The following GLIS3 variants were observed in gnomAD, a reference collection of about 807,000 sequenced individuals.
GLIS3 encodes GLIS family zinc finger 3, also known as zinc finger protein GLIS3.
In GLIS3, 53 loss-of-function variants were observed where a neutral mutation model predicts 78.6. The ratio of observed to expected loss-of-function variants is 0.67; its 90% CI spans 0.54 to 0.85. The LOEUF is 0.85. Among genes scored for constraint, GLIS3 ranks in the 40% least tolerant of loss-of-function variants. The pLI, the probability that GLIS3 is intolerant of heterozygous loss-of-function variation, is 0.00. For missense variants in GLIS3, 1,703 were observed against 1,231.1 expected (o/e 1.38, Z -5.74); for synonymous variants, 684 against 509.9 (o/e 1.34, Z -4.60).
chr9:4,369,291 C>G, the GLIS3 span, among the ~76,000 whole-genome samples: 2 of 152,114 alleles, frequency 1.3e-5, no homozygotes, highest in Non-Finnish European at 1.5e-5. Flanking sequence ...TAACCTAATT[C>G]TTTTCTGGAT....
At chr9:4,340,421 A>C (rs1817818165) in intron 2 of GLIS3, among the ~76,000 whole-genome samples, 2 of 152,198 alleles carry the variant, frequency 1.3e-5, no homozygotes, top group Admixed American at 1.3e-4. Flanking sequence ...ACTCAATTCC[A>C]GGATGAAACA....
At chr9:4,477,429 T>C in the GLIS3 span, among the ~76,000 whole-genome samples, 3 of 152,052 alleles carry the variant, frequency 2.0e-5, no homozygotes, top group Non-Finnish European at 2.9e-5. Context: ...TGGGTTTTTT[T>C]TTGAGATAGG....
the GLIS3 span, among the ~76,000 whole-genome samples, chr9:4,375,497 A>T: frequency 6.6e-6 from 1 of 152,200 alleles, no homozygotes; most frequent in African/African-American, 2.4e-5. Context: ...AATCTTTCTG[A>T]AGATGTTTTC....
chr9:4,315,504 A>G lies in GLIS3; in HGVS notation n.265-4976T>C, dbSNP rs1817423225. On this transcript the variant is annotated intron_variant and non_coding_transcript_variant, in intron 2 of 4. Coordinates refer to the GLIS3 transcript ENST00000471664. ...TGAACCTCTATTTTTTAAAGCCTTTAAATTGATTCAAACCCTTCTAAAACA... is the reference window on the plus strand; with the variant it reads ...TGAACCTCTATTTTTTAAAGCCTTTGAATTGATTCAAACCCTTCTAAAACA... 2.0e-5 allele frequency among the ~76,000 whole-genome samples: 3 copies of G among 152,156 alleles called. No homozygotes were observed. The South Asian group carries it at 6.2e-4, about 32-fold the overall frequency.
intron 4 of GLIS3, among the ~76,000 whole-genome samples, chr9:4,083,773 A>C (rs1828756576): frequency 6.6e-6 from 1 of 152,218 alleles, no homozygotes; most frequent in South Asian, 2.1e-4. Flanking sequence ...GAGAGCTATA[A>C]AAATTACCCT....
chr9:3,876,585 G>A (rs1458584746), intron 8 of GLIS3, among the ~76,000 whole-genome samples: 2 of 138,016 alleles, frequency 1.4e-5, no homozygotes, highest in Admixed American at 7.6e-5. Flanking sequence ...GCAACCATCT[G>A]TCAAATGGTT....
chr9:4,026,668 C>A (rs1021033220), intron 4 of GLIS3, among the ~76,000 whole-genome samples: 20 of 152,274 alleles, frequency 1.3e-4, no homozygotes, highest in Non-Finnish European at 2.8e-4. Flanking sequence ...CTAAACCTAA[C>A]TAGTAGATAT....
At chr9:4,124,935 A>G (rs1436492456) in intron 3 of GLIS3, among the ~76,000 whole-genome samples, 1 of 152,226 alleles carries the variant, frequency 6.6e-6, no homozygotes, top group East Asian at 1.9e-4. Flanking sequence ...AATTTATTTC[A>G]AACATAGACA....
chr9:4,117,107 G>C (rs1469974609), intron 4 of GLIS3, among the ~76,000 whole-genome samples: 3 of 152,094 alleles, frequency 2.0e-5, no homozygotes, highest in Non-Finnish European at 4.4e-5. Context: ...AGCACCAAAG[G>C]CTTCCCTGCT....
At chr9:4,029,020 T>C (rs1026051566) in intron 4 of GLIS3, among the ~76,000 whole-genome samples, 2 of 152,076 alleles carry the variant, frequency 1.3e-5, no homozygotes, top group East Asian at 1.9e-4. Flanking sequence ...TACTCCAAGA[T>C]GATGATGAAG....
At chr9:4,189,817 C>T (rs1314071171) in intron 2 of GLIS3, among the ~76,000 whole-genome samples, 1 of 151,444 alleles carries the variant, frequency 6.6e-6, no homozygotes, top group Non-Finnish European at 1.5e-5. Flanking sequence ...GGATTGCAAC[C>T]CCTGCCTTTT....
upstream of GLIS3, among the ~76,000 whole-genome samples, chr9:4,350,536 T>A (rs1341947752): frequency 2.0e-5 from 3 of 152,240 alleles, no homozygotes; most frequent in African/African-American, 7.2e-5. Context: ...CTGAAATTTT[T>A]AAAAATATTT....
At chr9:4,083,868 G>A (rs952249125) in intron 4 of GLIS3, among the ~76,000 whole-genome samples, 2 of 152,120 alleles carry the variant, frequency 1.3e-5, no homozygotes, top group Non-Finnish European at 2.9e-5. Flanking sequence ...ATAATTTCTG[G>A]TTTCACTTGC....
chr9:4,287,841 C>G (rs1828132894), intron 1 of GLIS3, among the ~76,000 whole-genome samples: 1 of 152,210 alleles, frequency 6.6e-6, no homozygotes, highest in Admixed American at 6.5e-5. Flanking sequence ...ACTCACTATG[C>G]CTTCTGCAAA....
the GLIS3 span, among the ~76,000 whole-genome samples, chr9:4,369,209 C>T: frequency 1.3e-5 from 2 of 152,062 alleles, no homozygotes; most frequent in African/African-American, 2.4e-5. Flanking sequence ...ATGGATTACT[C>T]AGCCACCATT....
At position 4,123,607 on chromosome 9, in the gene GLIS3, T is replaced by A. The variant is rs985362895; in HGVS notation, c.596+2127A>T. The A allele has an allele frequency of 7.9e-5, 29 of 367,180 alleles. No individual in the cohort carries two copies. In the Admixed American group the frequency reaches 1.3e-3, roughly 16 times the overall value. The allele number at this position is 367,180 out of a possible 1,614,324, so 22.7% of individuals were successfully genotyped here. On this transcript the variant is annotated intron_variant, in intron 3 of 10. Coordinates refer to ENST00000381971, the MANE Select transcript of GLIS3 (RefSeq NM_001042413.2). ...TCCTGGACAGGAAGAAGCCATTATATGATGTTGAAAGAGGCTTTTATTATA... is the reference window on the plus strand; with the variant it reads ...TCCTGGACAGGAAGAAGCCATTATAAGATGTTGAAAGAGGCTTTTATTATA...
rs117959331 is a variant in GLIS3 at position 4,057,125 on chromosome 9, G to A, written c.1710+60643C>T. On this transcript the variant is annotated intron_variant, in intron 4 of 10. Transcript: ENST00000381971. ...ACCTGGATGTGCAGCTTCATGAAGC[G>A]TCAACAATGCCCTAAGGAACCAGAA... 1.4e-4 allele frequency among the ~76,000 whole-genome samples: 22 copies of A among 152,050 alleles called. No homozygotes were observed. The East Asian group carries it at 2.7e-3, about 19-fold the overall frequency.
chr9:4,189,996 C>T (rs1009408381), intron 2 of GLIS3, among the ~76,000 whole-genome samples: 9 of 152,088 alleles, frequency 5.9e-5, no homozygotes, highest in African/African-American at 2.2e-4. Context: ...GGAAAACCAA[C>T]AAACAGAAAG....
chr9:4,396,395 C>G, the GLIS3 span, among the ~76,000 whole-genome samples: 2 of 152,206 alleles, frequency 1.3e-5, no homozygotes, highest in Admixed American at 1.3e-4. Context: ...TCCCAAAGTG[C>G]TGGGATTGCA....
Sources: allele counts gnomAD v4.1 joint callset (sites outside exome capture counted in the v4.1 genomes callset), GRCh38; gene constraint gnomAD v4.1.1; transcripts MANE v1.5; gene names NCBI Gene and HGNC (gene_info 2026-07-23, HGNC 2026-07-21).